MYBPC1: variants seen among roughly 807,000 people sequenced by gnomAD.
MYBPC1 encodes the protein myosin binding protein C1.
A neutral mutation model predicts 147.1 loss-of-function variants in MYBPC1; 52 were observed. The ratio of observed to expected loss-of-function variants is 0.35; its 90% confidence interval spans 0.28 to 0.45. MYBPC1 has a LOEUF of 0.45. MYBPC1 is among the 20% of genes least tolerant of loss of function. The probability of loss-of-function intolerance (pLI) is 1.00; values close to 1 mark genes in which losing one functional copy is unlikely to be tolerated. For synonymous variants in MYBPC1, 477 were observed against 475.9 expected (o/e 1.00, Z -0.03); for missense variants, 1,228 against 1,440.3 (o/e 0.85, Z 2.39).
At chr12:101,600,972 G>A (rs1413258561) in intron 1 of MYBPC1, among the ~76,000 whole-genome samples, 1 of 152,172 alleles carries the variant, frequency 6.6e-6, no homozygotes, top group Non-Finnish European at 1.5e-5. Context: ...GGAAACAGAT[G>A]TCTTTTCTGG....
intron 28 of MYBPC1, among the ~76,000 whole-genome samples, chr12:101,678,729 A>G (rs1900660022): frequency 6.6e-6 from 1 of 152,240 alleles, no homozygotes; most frequent in South Asian, 2.1e-4. Context: ...TCAAGGTTTC[A>G]TGTTTGCATT....
chr12:101,627,207 T>C (rs934140062), intron 4 of MYBPC1, among the ~76,000 whole-genome samples: 2 of 152,120 alleles, frequency 1.3e-5, no homozygotes, highest in East Asian at 3.9e-4. Context: ...TCCACCCTTT[T>C]CCCTGTTCTT....
chr12:101,663,066 AT>A (rs1217906103), intron 21 of MYBPC1, among the ~76,000 whole-genome samples: 2 of 152,202 alleles, frequency 1.3e-5, no homozygotes, highest in African/African-American at 4.8e-5. Flanking sequence ...GCAATGAGGT[AT>A]TTTTTTCAAT....
rs77084781 is a variant in MYBPC1, at chr12:101,611,194, G to A, written c.26-3302G>A. Among the ~76,000 whole-genome samples the A allele has an allele frequency of 7.2e-5, 11 of 152,304 alleles. No individual in the cohort carries two copies. The East Asian group carries it at 9.7e-4, about 13-fold the overall frequency. ...CTGCAACCATCCCACAACGGTCCTA[G>A]CAGTCCTAATATCCTATAATGTTTC... is the stretch of plus-strand genomic sequence containing the variant. On this transcript the variant is annotated intron_variant, in intron 1 of 31. Coordinates refer to ENST00000361466, the MANE Select transcript of MYBPC1 (RefSeq NM_002465.4).
chr12:101,624,007 A>G (rs991156612), intron 3 of MYBPC1, among the ~76,000 whole-genome samples: 1 of 152,240 alleles, frequency 6.6e-6, no homozygotes, highest in African/African-American at 2.4e-5. Flanking sequence ...GCTAACGACC[A>G]TATCATTTCT....
At chr12:101,621,480 T>C (rs1376123886) in intron 3 of MYBPC1, among the ~76,000 whole-genome samples, 1 of 152,208 alleles carries the variant, frequency 6.6e-6, no homozygotes, top group Non-Finnish European at 1.5e-5. Flanking sequence ...GCTATTGTTA[T>C]TGTCTCCCAT....
chr12:101,666,729 G>A (rs1668671480), intron 22 of MYBPC1: 2 of 1,611,450 alleles, frequency 1.2e-6, no homozygotes, highest in Non-Finnish European at 1.7e-6. Flanking sequence ...TAATTTTAAT[G>A]ACGGATTCTC....
chr12:101,628,205 A>T (rs963108146), intron 5 of MYBPC1: 20 of 287,864 alleles, frequency 6.9e-5, no homozygotes, highest in South Asian at 2.4e-4. Context: ...TCATTCATTC[A>T]TTCATTCGAC....
In MYBPC1 at chr12:101,684,419, T is replaced by C. The variant is rs756033960; in HGVS notation, c.*14T>C. 1.9e-6 allele frequency: 3 copies of C among 1,584,496 alleles called. No individual in the cohort carries two copies. Among genetic ancestry groups the C allele is most frequent in the Non-Finnish European group, 2.6e-6 (3 of 1,161,082 alleles). On this transcript the variant is annotated 3_prime_UTR_variant, in exon 31 of 32. Coordinates refer to ENST00000361466, the MANE Select transcript of MYBPC1 (RefSeq NM_002465.4). Reference sequence around the variant, plus strand: ...AAGGATTTTTGAATGTATAATATCATCTAAGGTAAGCTTTCATATGGTTTT... The same window carrying C: ...AAGGATTTTTGAATGTATAATATCACCTAAGGTAAGCTTTCATATGGTTTT...
At chr12:101,604,193 T>G (rs901881957) in intron 1 of MYBPC1, among the ~76,000 whole-genome samples, 2 of 152,180 alleles carry the variant, frequency 1.3e-5, no homozygotes, top group Non-Finnish European at 2.9e-5. Flanking sequence ...GAGAAGCTAT[T>G]TGTTGCTATG....
chr12:101,609,789 T>C (rs146273975), intron 1 of MYBPC1, among the ~76,000 whole-genome samples: 99 of 152,328 alleles, frequency 6.5e-4, no homozygotes, highest in African/African-American at 2.3e-3. Context: ...CACAAGTATC[T>C]TATCATATTG....
chr12:101,691,028 T>C (rs1011882198), downstream of MYBPC1, among the ~76,000 whole-genome samples: 2 of 152,210 alleles, frequency 1.3e-5, no homozygotes, highest in Admixed American at 6.5e-5. Flanking sequence ...ACCCTGATGA[T>C]AAAACTCTAC....
chr12:101,600,538 A>G (rs1014347931), intron 1 of MYBPC1: 1 of 152,146 alleles, frequency 6.6e-6, no homozygotes, highest in South Asian at 2.1e-4. Context: ...TCTTCTTTTC[A>G]ATTTTGTATG....
the MYBPC1 span, among the ~76,000 whole-genome samples, chr12:101,695,212 A>T: frequency 6.6e-6 from 1 of 152,208 alleles, no homozygotes; most frequent in South Asian, 2.1e-4. Flanking sequence ...ATATTCCAAG[A>T]CCCACAACTG....
intron 3 of MYBPC1, among the ~76,000 whole-genome samples, chr12:101,617,567 T>C (rs995327807): frequency 1.3e-5 from 2 of 151,716 alleles, no homozygotes; most frequent in Admixed American, 1.3e-4. Context: ...ATTATATCAA[T>C]TGGGAAAATT....
At chr12:101,680,633 T>C (rs1950877845) in intron 29 of MYBPC1, 104 bp downstream of exon 29, 2 of 1,438,662 alleles carry the variant, frequency 1.4e-6, no homozygotes, top group Non-Finnish European at 1.9e-6. Context: ...GCCAAAATGC[T>C]GCAGCGAGGG....
chr12:101,617,756 G>A (rs919746900), intron 3 of MYBPC1, among the ~76,000 whole-genome samples: 14 of 152,212 alleles, frequency 9.2e-5, no homozygotes, highest in Non-Finnish European at 1.9e-4. Context: ...AAGACATGTT[G>A]CCCCTTCTTG....
chr12:101,677,262 C>A lies in MYBPC1; in HGVS notation c.2977C>A (p.His993Asn), dbSNP rs1429394527. The change falls in exon 27 of 32, where the codon CAT (histidine) becomes AAT (asparagine). Residue 993 changes from histidine to asparagine, a missense_variant. Transcript: ENST00000361466. ...ATGGTTTACTGTCATTGAGCATTAT[C>A]ATCGAACCAGTGCCACCATTACTGA... Reference protein sequence around the residue: ...MEWFTVIEHYHRTSATITELV... With the variant: ...MEWFTVIEHYNRTSATITELV... 6.2e-7 allele frequency: 1 copy of A among 1,613,334 alleles called. No individual in the cohort carries two copies. Among genetic ancestry groups the A allele is most frequent in the Non-Finnish European group, 8.5e-7 (1 of 1,179,676 alleles).
chr12:101,596,237 G>A (rs1401727757), intron 1 of MYBPC1, among the ~76,000 whole-genome samples: 1 of 152,136 alleles, frequency 6.6e-6, no homozygotes, highest in Non-Finnish European at 1.5e-5. Flanking sequence ...ACAGGCTGTG[G>A]TGATCAGTTT....
Sources: gnomAD v4.1 joint callset for allele counts (sites outside exome capture counted in the v4.1 genomes callset) on GRCh38, gnomAD v4.1.1 for gene constraint, MANE v1.5 for transcripts, NCBI Gene and HGNC (gene_info 2026-07-23, HGNC 2026-07-21) for gene names.